TEX11: variants seen among roughly 807,000 people sequenced by gnomAD.
TEX11 encodes testis expressed 11, also known as testis-expressed protein 11.
Under a neutral mutation model 84.4 loss-of-function variants are expected in TEX11, and 7 were observed. The ratio of observed to expected loss-of-function variants is 0.08; its 90% CI spans 0.05 to 0.16. The LOEUF (loss-of-function observed/expected upper bound fraction) is 0.16. TEX11 is among the 10% of genes least tolerant of loss of function. The pLI, the probability that TEX11 is intolerant of heterozygous loss-of-function variation, is 1.00. For synonymous variants in TEX11, 264 were observed against 222.8 expected, an observed-to-expected ratio of 1.18 and a Z score of -1.64; for missense variants, 551 against 660.5, an observed-to-expected ratio of 0.83 and a Z score of 1.82.
intron 2 of TEX11, chrX:70,897,679 A>AAAAAG (rs1387220767): frequency 6.6e-4 from 50 of 75,731 alleles, no homozygotes; most frequent in African/African-American, 2.5e-3. Context: ...CAAAGAAAGA[A>AAAAAG]AAAGAAAGAA....
intron 2 of TEX11, among the ~76,000 whole-genome samples, chrX:70,892,638 C>T (rs2091744442): frequency 9.2e-6 from 1 of 109,054 alleles, no homozygotes; most frequent in Non-Finnish European, 1.9e-5. Flanking sequence ...GAGGCTGAGG[C>T]AATAGAATCC....
chrX:70,549,937 G>A (rs2088191282), intron 28 of TEX11, among the ~76,000 whole-genome samples: 1 of 112,344 alleles, frequency 8.9e-6, no homozygotes, highest in Admixed American at 9.4e-5. Flanking sequence ...GGTTACAGTG[G>A]GCCTTGGGTG....
chrX:70,839,055 C>A (rs1016449671), intron 7 of TEX11, among the ~76,000 whole-genome samples: 25 of 112,809 alleles, frequency 2.2e-4, no homozygotes, highest in Admixed American at 9.3e-5. Flanking sequence ...GTAGGCTCCA[C>A]CTCTGGGAGC....
intron 13 of TEX11, among the ~76,000 whole-genome samples, chrX:70,693,087 A>G (rs2090250171): frequency 9.0e-6 from 1 of 111,282 alleles, no homozygotes; most frequent in African/African-American, 3.3e-5. Flanking sequence ...CTAAATACAA[A>G]AAAATTAGCT....
chrX:70,838,940 G>T (rs1246543435), intron 7 of TEX11, among the ~76,000 whole-genome samples: 2 of 112,300 alleles, frequency 1.8e-5, no homozygotes, highest in Non-Finnish European at 3.8e-5. Flanking sequence ...CTCGGGGAGG[G>T]GCACCCACCA....
chrX:70,748,345 A>C (rs754448715), intron 9 of TEX11, among the ~76,000 whole-genome samples: 59 of 111,682 alleles, frequency 5.3e-4, no homozygotes, highest in African/African-American at 1.8e-3. Flanking sequence ...AGTAAGAGAA[A>C]AATGACTCAT....
At chrX:70,639,227 C>T (rs1278962598) in intron 17 of TEX11, among the ~76,000 whole-genome samples, 7 of 111,967 alleles carry the variant, frequency 6.3e-5, no homozygotes, top group Non-Finnish European at 9.4e-5. Flanking sequence ...TAAAAAACAG[C>T]GCACCACGAG....
At chrX:70,672,097 A>G (rs5980997) in intron 15 of TEX11, among the ~76,000 whole-genome samples, 29,776 of 107,837 alleles carry the variant, frequency 0.28, 3,108 homozygotes, top group Admixed American at 0.4. Context: ...ATACAATGGA[A>G]TCATCTAATA....
At chrX:70,903,011 C>T (rs756168275) in intron 2 of TEX11, among the ~76,000 whole-genome samples, 44 of 111,555 alleles carry the variant, frequency 3.9e-4, no homozygotes, top group African/African-American at 1.1e-3. Context: ...CCTAGGCCTA[C>T]ACAGGCTCAG....
the TEX11 span, among the ~76,000 whole-genome samples, chrX:70,516,076 G>C: frequency 8.9e-6 from 1 of 112,047 alleles, no homozygotes; most frequent in Non-Finnish European, 1.9e-5. Flanking sequence ...TAGGTTGCCT[G>C]TTCACTCTGA....
intron 9 of TEX11, among the ~76,000 whole-genome samples, chrX:70,788,662 C>A (rs1315869152): frequency 1.1e-5 from 1 of 93,861 alleles, no homozygotes; most frequent in East Asian, 3.4e-4. Flanking sequence ...CCCTGATGAT[C>A]AGAAAATGTA....
At chrX:70,704,316 C>T (rs1030679003) in intron 13 of TEX11, among the ~76,000 whole-genome samples, 2 of 110,465 alleles carry the variant, frequency 1.8e-5, no homozygotes, top group South Asian at 3.9e-4. Flanking sequence ...TATAGCAGTG[C>T]GAGAATGGAC....
rs1242315782 is a variant in TEX11 at position 70,788,969 on chromosome X, TATATAGAGAGAGAGAGAGAGAGAG to T, written c.692+17712_692+17735del. 2.8e-4 allele frequency among the ~76,000 whole-genome samples: 7 copies of T among 24,945 alleles called. No homozygotes were observed. In the South Asian group the frequency reaches 9.0e-3, roughly 32 times the overall value. The allele number at this position is 24,945 out of a possible 115,157, so 21.7% of individuals were successfully genotyped here. A position where few individuals can be genotyped will look rare whatever the true frequency, so the allele number is the denominator to read the frequency against. Reference sequence around the variant, plus strand: ...ATATATATATATATATATATATATATATATAGAGAGAGAGAGAGAGAGAGAGAGAGAGAGAGAGAGAGAGAGCAA... The same window carrying T: ...ATATATATATATATATATATATATATAGAGAGAGAGAGAGAGAGAGAGCAA... On this transcript the variant is annotated intron_variant, in intron 9 of 29. Transcript: ENST00000374333.
At chrX:70,894,687 G>A (rs749389309) in intron 2 of TEX11, among the ~76,000 whole-genome samples, 2 of 110,195 alleles carry the variant, frequency 1.8e-5, no homozygotes, top group East Asian at 2.8e-4. Flanking sequence ...TATCCACCAC[G>A]ATCAAGTCGG....
intron 17 of TEX11, among the ~76,000 whole-genome samples, chrX:70,633,439 G>A (rs2089533414): frequency 9.0e-6 from 1 of 111,716 alleles, no homozygotes; most frequent in African/African-American, 3.3e-5. Flanking sequence ...ATACTTACTG[G>A]TGGAAGACTG....
chrX:70,766,673 T>C (rs976784627), intron 9 of TEX11, among the ~76,000 whole-genome samples: 2 of 110,933 alleles, frequency 1.8e-5, no homozygotes, highest in Non-Finnish European at 3.8e-5. Flanking sequence ...TAGTCAAAGC[T>C]ATCCTAAGCG....
intron 14 of TEX11, among the ~76,000 whole-genome samples, chrX:70,680,489 T>C (rs941318009): frequency 7.8e-5 from 7 of 89,977 alleles, no homozygotes; most frequent in Non-Finnish European, 1.3e-4. Context: ...GAGACCTTTG[T>C]TCACTTGTTT....
At chrX:70,561,019 G>T (rs771123981) in intron 25 of TEX11, among the ~76,000 whole-genome samples, 13 of 102,403 alleles carry the variant, frequency 1.3e-4, no homozygotes, top group African/African-American at 4.7e-4. Context: ...AAAGTGCTAG[G>T]ATTATAGTAC....
At chrX:70,710,123 C>CAA (rs201812711) in intron 13 of TEX11, among the ~76,000 whole-genome samples, 1 of 107,490 alleles carries the variant, frequency 9.3e-6, no homozygotes, top group African/African-American at 3.4e-5. Context: ...TAATCAGCAT[C>CAA]AAAAAAAAAG....
Sources: gnomAD v4.1 joint callset for allele counts (sites outside exome capture counted in the v4.1 genomes callset) on GRCh38, gnomAD v4.1.1 for gene constraint, MANE v1.5 for transcripts, NCBI Gene and HGNC (gene_info 2026-07-23, HGNC 2026-07-21) for gene names.